The following CHAT variants were observed in gnomAD, a reference collection of about 807,000 sequenced individuals.
The protein encoded by CHAT is choline O-acetyltransferase.
In CHAT, 61 loss-of-function variants were observed where a neutral mutation model predicts 76.9. That is an observed-to-expected ratio of 0.79 (90% CI 0.65 to 0.98). The LOEUF is 0.98. CHAT is among the 50% of genes least tolerant of loss of function. The pLI, the probability that CHAT is intolerant of heterozygous loss-of-function variation, is 0.00. For missense variants in CHAT, 946 were observed against 986.9 expected, an observed-to-expected ratio of 0.96 and a Z score of 0.56; for synonymous variants, 407 against 397.4, an observed-to-expected ratio of 1.02 and a Z score of -0.29.
At chr10:49,615,330 G>A (rs1016323387) in intron 1 of CHAT, among the ~76,000 whole-genome samples, 2 of 152,248 alleles carry the variant, frequency 1.3e-5, no homozygotes, top group East Asian at 1.9e-4. Flanking sequence ...CAGCCCCTAC[G>A]AACCCACAGC....
intron 7 of CHAT, among the ~76,000 whole-genome samples, chr10:49,640,334 T>A (rs12246493): frequency 0.033 from 5,057 of 152,282 alleles, 261 homozygotes; most frequent in African/African-American, 0.11. Context: ...GGATATATTG[T>A]GTTATAAGAC....
At chr10:49,628,758 G>A (rs1339951868) in intron 7 of CHAT, among the ~76,000 whole-genome samples, 7 of 152,274 alleles carry the variant, frequency 4.6e-5, no homozygotes, top group Non-Finnish European at 7.3e-5. Flanking sequence ...CATGGCATGA[G>A]TGAGAAAGGC....
rs769398642 is a variant in CHAT at position 49,648,600 on chromosome 10, A to C, written c.1375A>C (p.Lys459Gln). Residue 459 changes from lysine to glutamine, a missense_variant, in exon 9 of 15, where the codon AAG (lysine) becomes CAG (glutamine). Physicochemically the swap from Lys to Gln is moderately conservative, Grantham distance 53. Around this residue, in one of 3 missense-constraint regions of CHAT, gnomAD observed 349 missense variants for 393.9 expected, o/e 0.89. Transcript: ENST00000337653. ...VLVQCTEHLL[K>Q]HVTQSSRKLI... ...GGTGCAGTGCACTGAGCATCTGCTC[A>C]AGCACGTGTGAGTCTGGATCCCAGG... is the stretch of plus-strand genomic sequence containing the variant. 43 of 1,610,732 alleles carry C rather than the reference A, an allele frequency of 2.7e-5. No homozygotes were observed. The highest frequency in any genetic ancestry group is 3.6e-5 in the Non-Finnish European group (42 of 1,177,458).
chr10:49,657,627 A>C lies in CHAT; in HGVS notation c.1839+2179A>C, dbSNP rs115192030. On this transcript the variant is annotated intron_variant, in intron 13 of 14. Transcript: ENST00000337653. ...AGGGAGGGAATACTGTACGGAAATT[A>C]ATTGGTTAATTAAAGTCTTACTACT... is the stretch of plus-strand genomic sequence containing the variant. Among the ~76,000 whole-genome samples, 1,097 of 152,270 alleles carry C rather than the reference A, an allele frequency of 7.2e-3. 15 individuals carry two copies. The highest frequency in any genetic ancestry group is 0.025 in the African/African-American group (1,057 of 41,524).
intron 7 of CHAT, among the ~76,000 whole-genome samples, chr10:49,641,064 AGGGTAG>A (rs1326902953): frequency 1.3e-5 from 2 of 152,248 alleles, no homozygotes; most frequent in Non-Finnish European, 2.9e-5. Context: ...AAGGTGTCAC[AGGGTAG>A]GCAACTACAA....
intron 7 of CHAT, among the ~76,000 whole-genome samples, chr10:49,639,562 CACACACAT>C (rs1407026240): frequency 7.2e-5 from 10 of 138,348 alleles, no homozygotes; most frequent in Middle Eastern, 7.2e-3. Context: ...CACACACACA[CACACACAT>C]ATGGGTGTGT....
chr10:49,615,024 A>G (rs1226057109), intron 1 of CHAT, among the ~76,000 whole-genome samples: 1 of 152,186 alleles, frequency 6.6e-6, no homozygotes, highest in Non-Finnish European at 1.5e-5. Flanking sequence ...ATATACACAT[A>G]CATCCTCTAG....
chr10:49,659,596 TC>T (rs1840130498), intron 13 of CHAT, among the ~76,000 whole-genome samples: 1 of 152,218 alleles, frequency 6.6e-6, no homozygotes, highest in African/African-American at 2.4e-5. Context: ...GCACAGTGGC[TC>T]ATGCCTGTAA....
At chr10:49,658,165 T>C (rs1840088278) in intron 13 of CHAT, among the ~76,000 whole-genome samples, 2 of 152,128 alleles carry the variant, frequency 1.3e-5, no homozygotes, top group Admixed American at 1.3e-4. Context: ...GCAGATCACC[T>C]GAGGTCAGGA....
chr10:49,646,762 C>T (rs370621532), intron 8 of CHAT, 88 bp downstream of exon 8: 1 of 1,443,662 alleles, frequency 6.9e-7, no homozygotes, highest in South Asian at 1.2e-5. Flanking sequence ...GGTGCCCAGG[C>T]CCGCACGTGC....
intron 8 of CHAT, chr10:49,647,773 T>G (rs1213728668): frequency 1.4e-5 from 2 of 145,748 alleles, no homozygotes; most frequent in African/African-American, 5.3e-5. Flanking sequence ...CCTTCCTTCC[T>G]TCCTTCCTTC....
upstream of CHAT, chr10:49,612,421 A>G (rs555261553): frequency 3.6e-5 from 49 of 1,373,380 alleles, no homozygotes; most frequent in African/African-American, 5.9e-4. Flanking sequence ...GCTCTGGCTC[A>G]GGGCCCACCT....
intron 11 of CHAT, among the ~76,000 whole-genome samples, chr10:49,652,730 G>A (rs1470501852): frequency 6.6e-6 from 1 of 152,164 alleles, no homozygotes; most frequent in African/African-American, 2.4e-5. Context: ...CAAAAGACAG[G>A]CTTAGAAGTG....
chr10:49,637,014 A>T (rs1371712466), intron 7 of CHAT, among the ~76,000 whole-genome samples: 3 of 150,112 alleles, frequency 2.0e-5, no homozygotes, highest in Non-Finnish European at 4.4e-5. Flanking sequence ...CATTCCTGAT[A>T]TTGGTGGTTG....
At position 49,614,042 on chromosome 10, in the gene CHAT, C is replaced by T. The variant is rs1838376356; in HGVS notation, c.-148C>T. On this transcript the variant is annotated 5_prime_UTR_variant, in exon 1 of 15. Coordinates refer to ENST00000337653, the MANE Select transcript of CHAT (RefSeq NM_020549.5). The stretch of plus-strand genomic sequence containing the variant: ...GGGGAAGTGCGGTGACTGGGAAATG[C>T]TGAGCTAGGGGCAGGAGGCATGGGC... 3.6e-6 allele frequency: 5 copies of T among 1,401,934 alleles called. No individual in the cohort carries two copies. The highest frequency in any genetic ancestry group is 4.9e-6 in the Non-Finnish European group (5 of 1,028,516). The allele number at this position is 1,401,934 out of a possible 1,614,324, so 86.8% of individuals were successfully genotyped here.
chr10:49,637,444 G>C (rs964328493), intron 7 of CHAT: 9 of 152,304 alleles, frequency 5.9e-5, no homozygotes, highest in African/African-American at 2.2e-4. Context: ...GAGGGACCCG[G>C]TGAGAGGTGA....
intron 7 of CHAT, among the ~76,000 whole-genome samples, chr10:49,636,238 CA>C (rs895821669): frequency 2.6e-5 from 4 of 152,072 alleles, no homozygotes; most frequent in African/African-American, 9.7e-5. Flanking sequence ...TCAATTTTGT[CA>C]AATGTTTTTA....
rs769377082 is a variant in CHAT, at chr10:49,664,882, A to G, written c.2083A>G (p.Ser695Gly). 2 of 1,614,232 alleles carry G rather than the reference A, an allele frequency of 1.2e-6. No homozygotes were observed. Among genetic ancestry groups the G allele is most frequent in the South Asian group, 1.1e-5 (1 of 91,086 alleles). ...AGAGACCATCCTTTTCTGCATCTCT[A>G]GCTTTCACAGCTGCAAAGAGACTTC... ...QPETILFCIS[S>G]FHSCKETSSS... Residue 695 changes from serine to glycine, a missense_variant, in exon 15 of 15, where the codon AGC becomes GGC. Physicochemically the swap from Ser to Gly is moderately conservative, Grantham distance 56 (BLOSUM62 0). Coordinates refer to ENST00000337653, the MANE Select transcript of CHAT (RefSeq NM_020549.5).
Position 49,665,022 on chromosome 10 carries a change from G to A in CHAT, c.2223G>A (p.Arg741=). Residue 741 remains arginine, a synonymous_variant, in exon 15 of 15, where the codon AGG becomes AGA. Transcript: ENST00000337653. ...TGGCAACAAAGGAAAAAGCCACGAG[G>A]CCCAGCCAGGGACACCAACCTTGAC... ...KPLATKEKAT[R]PSQGHQP 6.2e-7 allele frequency: 1 copy of A among 1,614,032 alleles called. No individual in the cohort carries two copies. The highest frequency in any genetic ancestry group is 8.5e-7 in the Non-Finnish European group (1 of 1,180,034).
Sources: allele counts gnomAD v4.1 joint callset (sites outside exome capture counted in the v4.1 genomes callset), GRCh38; gene constraint gnomAD v4.1.1; regional missense constraint gnomAD v4.1.1; transcripts MANE v1.5; gene names NCBI Gene and HGNC (gene_info 2026-07-23, HGNC 2026-07-21).